Variants in KHDRBS2 observed in about 807,000 individuals in gnomAD.
KHDRBS2 encodes KH RNA binding domain containing, signal transduction associated 2.
A neutral mutation model predicts 44.3 loss-of-function variants in KHDRBS2; 26 were observed. That is an observed-to-expected ratio of 0.59 (90% CI 0.43 to 0.81). The LOEUF is 0.81. KHDRBS2 is among the 40% of genes least tolerant of loss of function. The pLI, the probability that KHDRBS2 is intolerant of heterozygous loss-of-function variation, is 0.00. For synonymous variants in KHDRBS2, 194 were observed against 151.1 expected (o/e 1.28, Z -2.08); for missense variants, 476 against 433.1 (o/e 1.10, Z -0.88).
chr6:62,184,717 A>G (rs1409413979), intron 1 of KHDRBS2, among the ~76,000 whole-genome samples: 3 of 151,862 alleles, frequency 2.0e-5, no homozygotes, highest in Non-Finnish European at 4.4e-5. Flanking sequence ...CTGTCTTCAA[A>G]TAGCTCTAAC....
In KHDRBS2 at chr6:62,043,413, T is replaced by C. The variant is rs574164868; in HGVS notation, c.336+4465A>G. Among the ~76,000 whole-genome samples the C allele has an allele frequency of 3.7e-4, 56 of 152,238 alleles. No homozygotes were observed. In the South Asian group the frequency reaches 5.0e-3, roughly 14 times the overall value. Reference sequence around the variant, plus strand: ...CTGCTAGTTAATTTCCTGAGGTATTTTGAAATATTTCATACATGCTGTATA... The same window carrying C: ...CTGCTAGTTAATTTCCTGAGGTATTCTGAAATATTTCATACATGCTGTATA... On this transcript the variant is annotated intron_variant, in intron 3 of 8. Transcript: ENST00000281156.
the KHDRBS2 span, among the ~76,000 whole-genome samples, chr6:61,660,798 A>G: frequency 2.6e-5 from 4 of 151,768 alleles, no homozygotes. Context: ...AAAAAAGGTG[A>G]TACTTGGCAG....
At chr6:61,642,683 A>C in the KHDRBS2 span, among the ~76,000 whole-genome samples, 3 of 151,634 alleles carry the variant, frequency 2.0e-5, no homozygotes, top group South Asian at 2.1e-4. Context: ...AAGAATAATA[A>C]ATTTTAAATA....
chr6:61,822,964 A>G (rs558477520), intron 6 of KHDRBS2, among the ~76,000 whole-genome samples: 40 of 152,030 alleles, frequency 2.6e-4, no homozygotes, highest in Non-Finnish European at 4.7e-4. Context: ...GGTCATCTCC[A>G]TAAGGACAGG....
At chr6:61,717,753 A>G (rs4710456) in intron 7 of KHDRBS2, among the ~76,000 whole-genome samples, 57,949 of 151,980 alleles carry the variant, frequency 0.38, 12,122 homozygotes, top group African/African-American at 0.57. Flanking sequence ...CATATAGCCT[A>G]AAAACAGTAA....
intron 2 of KHDRBS2, among the ~76,000 whole-genome samples, chr6:62,059,873 A>C (rs1446041465): frequency 6.6e-6 from 1 of 151,858 alleles, no homozygotes; most frequent in African/African-American, 2.4e-5. Flanking sequence ...AAGAATACAA[A>C]ATTTAAAAAA....
At chr6:61,836,551 T>A (rs1792710363) in intron 6 of KHDRBS2, among the ~76,000 whole-genome samples, 4 of 152,174 alleles carry the variant, frequency 2.6e-5, no homozygotes, top group Non-Finnish European at 4.4e-5. Context: ...AAAATGTGCC[T>A]GCAGCATGAA....
chr6:61,629,958 C>G, the KHDRBS2 span, among the ~76,000 whole-genome samples: 1 of 152,162 alleles, frequency 6.6e-6, no homozygotes. Context: ...TATTCCTACA[C>G]CTGAGCTAAT....
chr6:61,946,954 A>C (rs1431428164), intron 4 of KHDRBS2, among the ~76,000 whole-genome samples: 1 of 152,200 alleles, frequency 6.6e-6, no homozygotes, highest in Non-Finnish European at 1.5e-5. Flanking sequence ...GTTTTATAGA[A>C]GAAAAGAAAG....
At chr6:61,837,582 A>C (rs1792901889) in intron 6 of KHDRBS2, among the ~76,000 whole-genome samples, 1 of 152,026 alleles carries the variant, frequency 6.6e-6, no homozygotes, top group Admixed American at 6.6e-5. Context: ...ATGGGTCATA[A>C]TGGGTGGAAA....
intron 8 of KHDRBS2, among the ~76,000 whole-genome samples, chr6:61,686,801 C>G (rs1766862834): frequency 6.6e-6 from 1 of 150,826 alleles, no homozygotes; most frequent in South Asian, 2.1e-4. Context: ...TTTTTTCCCC[C>G]TATAAAACAA....
At chr6:61,551,789 G>A in the KHDRBS2 span, among the ~76,000 whole-genome samples, 1 of 152,142 alleles carries the variant, frequency 6.6e-6, no homozygotes, top group African/African-American at 2.4e-5. Context: ...TTGAAATTGG[G>A]TAACATGATG....
the KHDRBS2 span, among the ~76,000 whole-genome samples, chr6:61,668,965 G>A: frequency 1.3e-5 from 2 of 150,754 alleles, no homozygotes; most frequent in Admixed American, 1.3e-4. Context: ...TTTTTCTAGA[G>A]GGACAATTTC....
chr6:61,659,267 C>CT, the KHDRBS2 span: 8 of 151,790 alleles, frequency 5.3e-5, no homozygotes, highest in African/African-American at 1.9e-4. Context: ...GAGTAAGTCC[C>CT]TTTGTCCCCA....
intron 4 of KHDRBS2, among the ~76,000 whole-genome samples, chr6:61,943,565 G>A (rs541276565): frequency 2.0e-5 from 3 of 152,098 alleles, no homozygotes; most frequent in African/African-American, 7.2e-5. Flanking sequence ...GAAAACACAG[G>A]GAAAGCACCT....
intron 2 of KHDRBS2, among the ~76,000 whole-genome samples, chr6:62,053,634 A>G (rs1221765771): frequency 3.9e-5 from 6 of 152,000 alleles, no homozygotes; most frequent in Non-Finnish European, 8.8e-5. Context: ...CAGTCAATAG[A>G]AGGCTTCTAT....
At chr6:61,973,193 A>G (rs931075637) in intron 4 of KHDRBS2, among the ~76,000 whole-genome samples, 10 of 152,154 alleles carry the variant, frequency 6.6e-5, no homozygotes, top group Non-Finnish European at 8.8e-5. Context: ...TTATAGCATC[A>G]ATTTCAGGGA....
chr6:62,181,985 A>G (rs1215430914), intron 1 of KHDRBS2, among the ~76,000 whole-genome samples: 2 of 152,016 alleles, frequency 1.3e-5, no homozygotes, highest in Non-Finnish European at 2.9e-5. Flanking sequence ...TATGATAAAT[A>G]AATGAGTAAG....
chr6:61,608,367 GAGA>G, the KHDRBS2 span, among the ~76,000 whole-genome samples: 1 of 151,562 alleles, frequency 6.6e-6, no homozygotes, highest in Admixed American at 6.6e-5. Context: ...CCTGTAAAGG[GAGA>G]AGAAGAAGCA....
Sources: allele counts gnomAD v4.1 joint callset (sites outside exome capture counted in the v4.1 genomes callset), GRCh38; gene constraint gnomAD v4.1.1; transcripts MANE v1.5; gene names NCBI Gene and HGNC (gene_info 2026-07-23, HGNC 2026-07-21).